The following URB1 variants were observed in gnomAD, a reference collection of about 807,000 sequenced individuals.
URB1 encodes the protein URB1 ribosome biogenesis factor.
Under a neutral mutation model 242.3 loss-of-function variants are expected in URB1, and 197 were observed. The ratio of observed to expected loss-of-function variants is 0.81; its 90% confidence interval spans 0.72 to 0.91. The LOEUF (loss-of-function observed/expected upper bound fraction) is 0.91, where lower values mean the gene tolerates loss of function less well. Ranked by LOEUF, URB1 falls within the 40% of genes least tolerant of loss-of-function variation. URB1 has a pLI of 0.00. For missense variants in URB1, 2,721 were observed against 2,860.5 expected, an observed-to-expected ratio of 0.95 and a Z score of 1.11; for synonymous variants, 1,153 against 1,201.8, an observed-to-expected ratio of 0.96 and a Z score of 0.84.
At chr21:32,333,489 T>C in intron 29 of URB1, 70 bp from the exon 30 acceptor site, 1 of 1,162,722 alleles carries the variant, frequency 8.6e-7, no homozygotes, top group Non-Finnish European at 1.2e-6. Flanking sequence ...GAGTATCTCT[T>C]ATCTGAAACA....
intron 15 of URB1, among the ~76,000 whole-genome samples, chr21:32,356,115 T>A (rs2033217124): frequency 2.0e-5 from 3 of 152,216 alleles, no homozygotes; most frequent in Admixed American, 1.3e-4. Flanking sequence ...GCATAGGGGC[T>A]CATGCCTGTA....
chr21:32,346,870 CT>C, intron 22 of URB1, 85 bp downstream of exon 22: 1 of 1,435,928 alleles, frequency 7.0e-7, no homozygotes, highest in Non-Finnish European at 9.2e-7. Context: ...ACCTGAATTT[CT>C]AGGGTTTAAA....
chr21:32,381,135 C>T (rs1411225553), intron 4 of URB1, among the ~76,000 whole-genome samples: 1 of 152,194 alleles, frequency 6.6e-6, no homozygotes, highest in Non-Finnish European at 1.5e-5. Flanking sequence ...TCCTCTGTTT[C>T]CAGTCCTCTC....
At position 32,316,324 on chromosome 21, in the gene URB1, G is replaced by A. The variant is rs148736763; in HGVS notation, c.6634+142C>T. 212 of 1,319,582 alleles carry A rather than the reference G, an allele frequency of 1.6e-4. No individual in the cohort carries two copies. In the East Asian group the frequency reaches 4.1e-3, roughly 26 times the overall value. The allele number at this position is 1,319,582 out of a possible 1,614,324, so 81.7% of individuals were successfully genotyped here. ...GCAAGCTCTCTGCAACCCCAGAACC[G>A]TAAGGGGCCACCTAAACAAGCACAA... On this transcript the variant is annotated intron_variant, in intron 38 of 38. Coordinates refer to ENST00000382751, the MANE Select transcript of URB1 (RefSeq NM_014825.3).
rs759638832 is a variant in URB1 at position 32,347,784 on chromosome 21, G to T, written c.3040C>A (p.Leu1014Ile). 2.5e-5 allele frequency: 38 copies of T among 1,546,610 alleles called. No homozygotes were observed. The highest frequency in any genetic ancestry group is 2.0e-5 in the Non-Finnish European group (23 of 1,146,624). ...CAGCCCTCCAGGGTGGGGTGCCTGA[G>T]GATGGCCACAAGCACCTCCTCCAGC... ...QTLEEVLVAI[L>I]RHPTLEGWFL... is the part of the protein sequence containing the mutation. Residue 1014 changes from leucine to isoleucine, a missense_variant, in exon 22 of 39, where the codon CTC (leucine) becomes ATC (isoleucine). Physicochemically the swap from Leu to Ile is conservative, Grantham distance 5. Coordinates refer to ENST00000382751, the MANE Select transcript of URB1 (RefSeq NM_014825.3).
intron 28 of URB1, among the ~76,000 whole-genome samples, chr21:32,336,220 C>CT (rs949029440): frequency 4.8e-5 from 7 of 144,984 alleles, no homozygotes; most frequent in Non-Finnish European, 7.6e-5. Context: ...CTTTTTCTTT[C>CT]TTTTTTTTGT....
rs918752802 is a variant in URB1 at position 32,393,009 on chromosome 21, G to C, written c.-99C>G. The C allele has an allele frequency of 1.2e-5, 16 of 1,369,748 alleles. No individual in the cohort carries two copies. The highest frequency in any genetic ancestry group is 1.4e-5 in the Non-Finnish European group (15 of 1,049,316). The allele number at this position is 1,369,748 out of a possible 1,614,324, so 84.8% of individuals were successfully genotyped here. On this transcript the variant is annotated 5_prime_UTR_variant, in exon 1 of 39. Transcript: ENST00000382751. ...GACACGCGCTTCAGGCCCACATGGC[G>C]CAGGAAGAGGCGGGGCTGGCGGAAG...
At chr21:32,363,882 TG>T (rs1283772739) in intron 10 of URB1, among the ~76,000 whole-genome samples, 1 of 151,858 alleles carries the variant, frequency 6.6e-6, no homozygotes, top group African/African-American at 2.4e-5. Flanking sequence ...CTCAACCTTC[TG>T]GCCTCAAGCC....
chr21:32,354,168 C>A, intron 17 of URB1, 65 bp from the exon 18 acceptor site: 1 of 1,519,982 alleles, frequency 6.6e-7, no homozygotes, highest in South Asian at 1.2e-5. Context: ...TGCAAATACC[C>A]ACAGGGAGGC....
intron 11 of URB1, 149 bp from the exon 12 acceptor site, chr21:32,362,170 A>C: frequency 1.9e-6 from 2 of 1,049,932 alleles, no homozygotes; most frequent in African/African-American, 1.6e-5. Context: ...AGTGGTGAGA[A>C]AACAGGCCCA....
At chr21:32,372,018 G>C (rs550791917) in intron 8 of URB1, among the ~76,000 whole-genome samples, 1 of 152,274 alleles carries the variant, frequency 6.6e-6, no homozygotes, top group African/African-American at 2.4e-5. Flanking sequence ...CAAGGAGAGG[G>C]AGGACTGTTT....
chr21:32,385,012 AAAGAAAG>A (rs775877559), intron 2 of URB1, among the ~76,000 whole-genome samples: 2 of 106,242 alleles, frequency 1.9e-5, no homozygotes, highest in African/African-American at 3.8e-5. Context: ...AAAAGAAAAG[AAAGAAAG>A]AAAGAAAGAA....
At chr21:32,384,229 T>C (rs2033557069) in intron 3 of URB1, 84 bp downstream of exon 3, 46 of 1,463,296 alleles carry the variant, frequency 3.1e-5, no homozygotes, top group Non-Finnish European at 4.0e-5. Flanking sequence ...GCCATAAAGG[T>C]ACTGACCAAA....
intron 17 of URB1, 31 bp from the exon 18 acceptor site, chr21:32,354,134 G>A (rs1319283426): frequency 6.4e-7 from 1 of 1,550,770 alleles, no homozygotes; most frequent in Non-Finnish European, 8.7e-7. Flanking sequence ...TCCAGCTGAT[G>A]TGAGAGCCAC....
rs578007066 is a variant in URB1, at chr21:32,348,494, A to G, written c.3013-683T>C. The stretch of plus-strand genomic sequence containing the variant: ...GTAAACATTGAGCAGAATGCAGTTG[A>G]GCTCCCTTGCTGGATTAGAGAATAA... On this transcript the variant is annotated intron_variant, in intron 21 of 38. Coordinates refer to ENST00000382751, the MANE Select transcript of URB1 (RefSeq NM_014825.3). Among the ~76,000 whole-genome samples the G allele has an allele frequency of 5.3e-5, 8 of 152,320 alleles. No individual in the cohort carries two copies. In the East Asian group the frequency reaches 1.5e-3, roughly 29 times the overall value.
intron 21 of URB1, among the ~76,000 whole-genome samples, chr21:32,348,749 C>A (rs1352158963): frequency 1.3e-5 from 2 of 152,132 alleles, no homozygotes; most frequent in Middle Eastern, 6.3e-3. Flanking sequence ...TGGTCCCACC[C>A]AAGAAAATAC....
chr21:32,338,396 T>C (rs1234902124), intron 26 of URB1, among the ~76,000 whole-genome samples: 1 of 152,172 alleles, frequency 6.6e-6, no homozygotes, highest in Non-Finnish European at 1.5e-5. Flanking sequence ...CCCACACTTT[T>C]TTCCCACGCG....
intron 1 of URB1, among the ~76,000 whole-genome samples, chr21:32,386,163 A>AG (rs946605894): frequency 6.6e-6 from 1 of 151,990 alleles, no homozygotes; most frequent in Admixed American, 6.5e-5. Flanking sequence ...AAAAAAAAAA[A>AG]AAAGAAAGAA....
intron 24 of URB1, among the ~76,000 whole-genome samples, chr21:32,344,265 T>A (rs193022367): frequency 1.0e-3 from 157 of 152,360 alleles, no homozygotes; most frequent in African/African-American, 3.6e-3. Context: ...ATTCAAAAAT[T>A]TGTTAATATA....
Sources: allele counts gnomAD v4.1 joint callset (sites outside exome capture counted in the v4.1 genomes callset), GRCh38; gene constraint gnomAD v4.1.1; transcripts MANE v1.5; gene names NCBI Gene and HGNC (gene_info 2026-07-23, HGNC 2026-07-21).